PTPRN2: variants seen among roughly 807,000 people sequenced by gnomAD.
PTPRN2 encodes protein tyrosine phosphatase receptor type N2, also known as receptor-type tyrosine-protein phosphatase N2.
A neutral mutation model predicts 118.8 loss-of-function variants in PTPRN2; 74 were observed. The ratio of observed to expected loss-of-function variants is 0.62; its 90% CI spans 0.52 to 0.76. PTPRN2 has a LOEUF of 0.76. PTPRN2 is among the 30% of genes least tolerant of loss of function. The probability of loss-of-function intolerance (pLI) is 0.00; values close to 1 mark genes in which losing one functional copy is unlikely to be tolerated. For synonymous variants in PTPRN2, 641 were observed against 608.0 expected (o/e 1.05, Z -0.80); for missense variants, 1,481 against 1,394.4 (o/e 1.06, Z -0.99).
chr7:158,270,117 G>A (rs920020693), intron 3 of PTPRN2, among the ~76,000 whole-genome samples: 1 of 152,206 alleles, frequency 6.6e-6, no homozygotes, highest in Non-Finnish European at 1.5e-5. Context: ...GGGGAGCCCA[G>A]AGCTGGACCA....
intron 11 of PTPRN2, among the ~76,000 whole-genome samples, chr7:158,067,111 T>C (rs1810833992): frequency 6.6e-6 from 1 of 152,250 alleles, no homozygotes; most frequent in South Asian, 2.1e-4. Flanking sequence ...TTCAGGTTAC[T>C]ATGGCCACAG....
chr7:158,269,137 C>T (rs1798127152), intron 3 of PTPRN2, among the ~76,000 whole-genome samples: 1 of 152,198 alleles, frequency 6.6e-6, no homozygotes, highest in Admixed American at 6.5e-5. Flanking sequence ...CCGGTCACCC[C>T]CACCTTCTGT....
chr7:158,067,351 C>T (rs1013204716), intron 11 of PTPRN2, among the ~76,000 whole-genome samples: 1 of 152,178 alleles, frequency 6.6e-6, no homozygotes, highest in African/African-American at 2.4e-5. Context: ...GGAGGAGCTC[C>T]CAGCTGGCAG....
At chr7:158,009,312 A>C (rs1339785269) in intron 11 of PTPRN2, among the ~76,000 whole-genome samples, 1 of 152,166 alleles carries the variant, frequency 6.6e-6, no homozygotes, top group Non-Finnish European at 1.5e-5. Flanking sequence ...CGTGCTATTT[A>C]TTAACCGTCA....
At chr7:158,104,855 T>TTA (rs1474108060) in intron 10 of PTPRN2, among the ~76,000 whole-genome samples, 2 of 108,866 alleles carry the variant, frequency 1.8e-5, no homozygotes, top group African/African-American at 3.7e-5. Flanking sequence ...CCTCAGCTCC[T>TTA]TCCCAACTCT....
At position 158,366,087 on chromosome 7, in the gene PTPRN2, A is replaced by G. The variant is rs779385542; in HGVS notation, c.164-49155T>C. Reference sequence around the variant, plus strand: ...TGCACGCGTGCACACACACACGCACACACACACAGCATCCCTAGAAGCTGC... The same window carrying G: ...TGCACGCGTGCACACACACACGCACGCACACACAGCATCCCTAGAAGCTGC... On this transcript the variant is annotated intron_variant, in intron 2 of 22. Coordinates refer to ENST00000389418, the MANE Select transcript of PTPRN2 (RefSeq NM_002847.5). Among the ~76,000 whole-genome samples, 635 of 138,356 alleles carry G rather than the reference A, an allele frequency of 4.6e-3. 6 individuals carry two copies. The highest frequency in any genetic ancestry group is 7.0e-3 in the Non-Finnish European group (453 of 64,894). The allele number at this position is 138,356 out of a possible 152,430, so 90.8% of individuals were successfully genotyped here. A position where few individuals can be genotyped will look rare whatever the true frequency, so the allele number is the denominator to read the frequency against.
intron 6 of PTPRN2, among the ~76,000 whole-genome samples, chr7:158,146,679 C>G (rs1262877868): frequency 6.7e-6 from 1 of 148,232 alleles, no homozygotes; most frequent in Non-Finnish European, 1.5e-5. Flanking sequence ...TGAGATCGCG[C>G]CACTGCACTC....
rs1175239960 is a variant in PTPRN2 at position 157,868,685 on chromosome 7, T to G, written c.1788+29988A>C. 1.3e-5 allele frequency: 2 copies of G among 152,218 alleles called. No homozygotes were observed. The highest frequency in any genetic ancestry group is 2.9e-5 in the Non-Finnish European group (2 of 68,104). The allele number at this position is 152,218 out of a possible 1,614,324, so 9.4% of individuals were successfully genotyped here. On this transcript the variant is annotated intron_variant, in intron 12 of 22. Coordinates refer to ENST00000389418, the MANE Select transcript of PTPRN2 (RefSeq NM_002847.5). This position sits in a 1 kb window ranked among gnomAD's most constrained non-coding sequence, Gnocchi z 5.2. ...TGCCTTCCCTTGCTCACTCCCTCCC[T>G]CACCCACCTGCCCACTCGCCCATCC...
chr7:157,885,386 C>G (rs1391383311), intron 12 of PTPRN2, among the ~76,000 whole-genome samples: 1 of 152,198 alleles, frequency 6.6e-6, no homozygotes, highest in African/African-American at 2.4e-5. Flanking sequence ...CCACCCAGGC[C>G]TAGCCTCTCC....
intron 11 of PTPRN2, among the ~76,000 whole-genome samples, chr7:158,006,733 C>G (rs919889646): frequency 2.6e-5 from 4 of 152,180 alleles, no homozygotes; most frequent in African/African-American, 9.7e-5. Context: ...GGCCCAGGGT[C>G]CCTTAGGCCA....
chr7:157,848,803 A>G (rs1809065137), intron 12 of PTPRN2, among the ~76,000 whole-genome samples: 1 of 152,246 alleles, frequency 6.6e-6, no homozygotes, highest in Admixed American at 6.5e-5. Flanking sequence ...CGCACCCTGC[A>G]GTGAGCCCAC....
intron 17 of PTPRN2, among the ~76,000 whole-genome samples, chr7:157,584,137 AAAAAC>A (rs1228483907): frequency 6.6e-6 from 1 of 152,160 alleles, no homozygotes; most frequent in African/African-American, 2.4e-5. Context: ...CCCATCTCTG[AAAAAC>A]AAAACAAAAA....
chr7:157,688,224 T>C (rs1797288709), intron 12 of PTPRN2, among the ~76,000 whole-genome samples: 1 of 152,234 alleles, frequency 6.6e-6, no homozygotes, highest in Admixed American at 6.5e-5. Flanking sequence ...GGCATACACT[T>C]AAAAGTGAAT....
intron 3 of PTPRN2, among the ~76,000 whole-genome samples, chr7:158,226,741 A>T (rs1222123383): frequency 6.6e-6 from 1 of 150,418 alleles, no homozygotes; most frequent in African/African-American, 2.5e-5. Context: ...GACCTGGGGA[A>T]GTCCCACAAC....
chr7:157,551,512 C>T (rs1309211973), intron 21 of PTPRN2, among the ~76,000 whole-genome samples: 1 of 141,212 alleles, frequency 7.1e-6, no homozygotes, highest in Non-Finnish European at 1.5e-5. Context: ...GCACCCCACA[C>T]ACCCCACTAT....
chr7:157,882,853 C>T (rs540368070), intron 12 of PTPRN2, among the ~76,000 whole-genome samples: 2 of 151,112 alleles, frequency 1.3e-5, no homozygotes, highest in Admixed American at 6.6e-5. Flanking sequence ...ACATGCCACC[C>T]CCAAAATGGC....
intron 2 of PTPRN2, among the ~76,000 whole-genome samples, chr7:158,417,099 T>C (rs536409382): frequency 3.9e-5 from 6 of 152,036 alleles, no homozygotes; most frequent in African/African-American, 7.3e-5. Flanking sequence ...CTGTGTTAAG[T>C]TGTGGTGTAC....
intron 11 of PTPRN2, among the ~76,000 whole-genome samples, chr7:157,962,918 T>C (rs962301386): frequency 4.6e-5 from 7 of 152,232 alleles, no homozygotes; most frequent in African/African-American, 1.7e-4. Flanking sequence ...CTTTGAGCCC[T>C]GAAATGGTGA....
In PTPRN2 at chr7:158,134,043, G is replaced by A. The variant is rs1319135061; in HGVS notation, c.1190C>T (p.Ala397Val). ...RLYQEVHRLSATLGGLLQDHG... is the reference protein window; with the variant it reads ...RLYQEVHRLSVTLGGLLQDHG... ...GTCCTGCAGGAGGCCCCCGAGTGTG[G>A]CACTCAGACGATGGACCTGACAGAG... The change falls in exon 9 of 23, where the codon GCC becomes GTC. Residue 397 changes from alanine (A) to valine (V), a missense_variant. Ala to Val is a moderately conservative substitution (Grantham distance 64). Coordinates refer to ENST00000389418, the MANE Select transcript of PTPRN2 (RefSeq NM_002847.5). 2.5e-6 allele frequency: 4 copies of A among 1,613,258 alleles called. No homozygotes were observed. The highest frequency in any genetic ancestry group is 1.3e-5 in the African/African-American group (1 of 74,922).
Sources: gnomAD v4.1 joint callset for allele counts (sites outside exome capture counted in the v4.1 genomes callset) on GRCh38, gnomAD v4.1.1 for gene constraint, Gnocchi (gnomAD v3.1) non-coding constraint, MANE v1.5 for transcripts, NCBI Gene and HGNC (gene_info 2026-07-23, HGNC 2026-07-21) for gene names.